Variants in TNRC6A observed in about 807,000 individuals in gnomAD.
TNRC6A encodes the protein trinucleotide repeat containing adaptor 6A, also known as trinucleotide repeat-containing gene 6A protein.
TNRC6A carries 44 observed loss-of-function variants against 221.2 expected under a neutral mutation model. The observed-to-expected ratio is 0.20, with a 90% confidence interval of 0.16 to 0.26. TNRC6A has a LOEUF of 0.26. Among genes scored for constraint, TNRC6A ranks in the 10% least tolerant of loss-of-function variants. The probability of loss-of-function intolerance (pLI) is 1.00; values close to 1 mark genes in which losing one functional copy is unlikely to be tolerated. For missense variants in TNRC6A, 2,199 were observed against 2,404.4 expected (o/e 0.91, Z 1.79); for synonymous variants, 847 against 838.5 (o/e 1.01, Z -0.18).
chr16:24,643,358 T>G (rs773354877), intron 2 of TNRC6A, among the ~76,000 whole-genome samples: 21 of 151,682 alleles, frequency 1.4e-4, no homozygotes, highest in Non-Finnish European at 2.9e-4. Context: ...AACCCAGGTA[T>G]TCATTCCAAA....
At chr16:24,660,401 C>T (rs1300152363) in intron 2 of TNRC6A, among the ~76,000 whole-genome samples, 3 of 152,102 alleles carry the variant, frequency 2.0e-5, no homozygotes, top group Admixed American at 6.6e-5. Context: ...GCTGCGAATG[C>T]CATTAGTTCA....
At chr16:24,711,586 C>T (rs138159347) in intron 2 of TNRC6A, among the ~76,000 whole-genome samples, 3 of 152,244 alleles carry the variant, frequency 2.0e-5, no homozygotes, top group East Asian at 1.9e-4. Flanking sequence ...ATCATGCAAT[C>T]TGTCCTTTTG....
intron 2 of TNRC6A, among the ~76,000 whole-genome samples, chr16:24,695,056 C>T (rs2055830621): frequency 6.6e-6 from 1 of 152,176 alleles, no homozygotes; most frequent in Non-Finnish European, 1.5e-5. Flanking sequence ...AGAAAACCCA[C>T]ATCGGATAAT....
At position 24,621,483 on chromosome 16, in the gene TNRC6A, C is replaced by T. The variant is rs144504745; in HGVS notation, n.276+10999C>T. Among the ~76,000 whole-genome samples, 25 of 151,534 alleles carry T rather than the reference C, an allele frequency of 1.6e-4. 1 individual carries two copies. The East Asian group carries it at 4.5e-3, about 27-fold the overall frequency. On this transcript the variant is annotated intron_variant and non_coding_transcript_variant, in intron 1 of 2. Coordinates refer to the TNRC6A transcript ENST00000566108. The stretch of plus-strand genomic sequence containing the variant: ...AAGCGGTTCTTGTGCCTCGGCCTCC[C>T]GAGTGGCTGGAATTCAGGCGTGCGG...
chr16:24,812,079 C>A, intron 18 of TNRC6A, among the ~76,000 whole-genome samples: 1 of 98,658 alleles, frequency 1.0e-5, no homozygotes, highest in Non-Finnish European at 1.9e-5. Flanking sequence ...GACAGAGTCT[C>A]ACTCGGTCAC....
chr16:24,689,050 A>T (rs921420712), intron 2 of TNRC6A, among the ~76,000 whole-genome samples: 1 of 152,188 alleles, frequency 6.6e-6, no homozygotes, highest in Admixed American at 6.5e-5. Context: ...TGTGCAACAG[A>T]GCCAAGGCCC....
intron 11 of TNRC6A, 173 bp from the exon 12 acceptor site, chr16:24,804,004 A>C: frequency 1.7e-6 from 1 of 597,262 alleles, no homozygotes; most frequent in Non-Finnish European, 2.8e-6. Flanking sequence ...CCTAATTGCG[A>C]CTTCATTTGT....
chr16:24,811,627 G>C (rs1407748738), intron 18 of TNRC6A, among the ~76,000 whole-genome samples: 3 of 152,092 alleles, frequency 2.0e-5, no homozygotes, highest in African/African-American at 7.2e-5. Context: ...GTATGTTGGA[G>C]AGTACTAAGC....
intron 2 of TNRC6A, among the ~76,000 whole-genome samples, chr16:24,711,937 A>G (rs1241589493): frequency 6.6e-6 from 1 of 152,148 alleles, no homozygotes; most frequent in Admixed American, 6.6e-5. Flanking sequence ...CTGGGATTAC[A>G]GGGATGAGCT....
intron 5 of TNRC6A, among the ~76,000 whole-genome samples, chr16:24,782,513 T>C (rs2057872893): frequency 6.6e-6 from 1 of 152,178 alleles, no homozygotes; most frequent in South Asian, 2.1e-4. Context: ...TGGACCTGTA[T>C]AGAACAAGTT....
At chr16:24,706,979 T>TTTTATTTATTTATTTA (rs762561225) in intron 2 of TNRC6A, among the ~76,000 whole-genome samples, 10 of 140,440 alleles carry the variant, frequency 7.1e-5, no homozygotes, top group African/African-American at 2.8e-4. Flanking sequence ...ATTTATCTAT[T>TTTTATTTATTTATTTA]TTTATTTATG....
chr16:24,675,702 CTATATATATATATATATATATATA>C (rs60165161), intron 2 of TNRC6A, among the ~76,000 whole-genome samples: 5 of 33,266 alleles, frequency 1.5e-4, no homozygotes, highest in African/African-American at 3.8e-4. Flanking sequence ...CTCTCTCTCT[CTATATATATATATATATATATATA>C]TATATATATA....
At chr16:24,656,110 C>G (rs1475141727) in intron 2 of TNRC6A, among the ~76,000 whole-genome samples, 3 of 146,162 alleles carry the variant, frequency 2.1e-5, no homozygotes, top group Non-Finnish European at 3.0e-5. Flanking sequence ...CCACTGCACT[C>G]TAGCCAGGGT....
At chr16:24,783,382 G>C (rs1301362333) in intron 5 of TNRC6A, among the ~76,000 whole-genome samples, 1 of 152,122 alleles carries the variant, frequency 6.6e-6, no homozygotes, top group Non-Finnish European at 1.5e-5. Context: ...GCCCACCTCG[G>C]CCTCCCAAAG....
chr16:24,793,561 T>C lies in TNRC6A; in HGVS notation c.3264T>C (p.Gly1088=). 1 of 1,573,952 alleles carries C rather than the reference T, an allele frequency of 6.4e-7. No homozygotes were observed. The highest frequency in any genetic ancestry group is 8.6e-7 in the Non-Finnish European group (1 of 1,159,296). Residue 1088 remains glycine (G), a synonymous_variant, in exon 7 of 25, where the codon GGT becomes GGC. Coordinates refer to ENST00000395799, the MANE Select transcript of TNRC6A (RefSeq NM_014494.4). ...CATGGGGTAAGCCCATAGACAGTGG[T>C]CCCAGCTGGGGGGAACCCATTGCTG... ...TSAWGKPIDS[G]PSWGEPIAAA... is the part of the protein sequence containing the mutation.
At chr16:24,810,775 A>C (rs1329003457) in intron 18 of TNRC6A, among the ~76,000 whole-genome samples, 3 of 152,232 alleles carry the variant, frequency 2.0e-5, no homozygotes, top group Non-Finnish European at 2.9e-5. Context: ...TTTAAACATG[A>C]AAATGATGGG....
chr16:24,708,402 G>A (rs920121887), intron 2 of TNRC6A, among the ~76,000 whole-genome samples: 2 of 151,932 alleles, frequency 1.3e-5, no homozygotes, highest in African/African-American at 2.4e-5. Context: ...CACCACGCCC[G>A]GCTAATTTTT....
chr16:24,815,088 A>AT, intron 18 of TNRC6A, 59 bp from the exon 19 acceptor site: 1 of 1,575,280 alleles, frequency 6.3e-7, no homozygotes, highest in South Asian at 1.2e-5. Context: ...TTGAAAAGCT[A>AT]TAAGAAATAA....
At chr16:24,662,114 A>G (rs1383826888) in intron 2 of TNRC6A, 1 of 152,116 alleles carries the variant, frequency 6.6e-6, no homozygotes, top group African/African-American at 2.4e-5. Context: ...TCATGTATAG[A>G]AATTCCACGT....
Sources: gnomAD v4.1 joint callset for allele counts (sites outside exome capture counted in the v4.1 genomes callset) on GRCh38, gnomAD v4.1.1 for gene constraint, MANE v1.5 for transcripts, NCBI Gene and HGNC (gene_info 2026-07-23, HGNC 2026-07-21) for gene names.